H3C8: variants seen among roughly 807,000 people sequenced by gnomAD.
H3C8 encodes the protein histone H3.1.
H3C8 carries 15 observed loss-of-function variants against 7.9 expected under a neutral mutation model. The observed-to-expected ratio is 1.90, with a 90% CI of 1.27 to 2.93. The LOEUF is 2.93. H3C8 is among the 30% of genes most tolerant of loss of function. The probability of loss-of-function intolerance (pLI) is 0.00; values close to 1 mark genes in which losing one functional copy is unlikely to be tolerated. For synonymous variants in H3C8, 143 were observed against 77.6 expected (o/e 1.84, Z -4.43); for missense variants, 230 against 190.4 (o/e 1.21, Z -1.23).
chr6:26,271,025 G>A lies in H3C8; in HGVS notation c.360C>T (p.Ile120=), dbSNP rs750430823. Residue 120 remains isoleucine (I), a synonymous_variant, in exon 1 of 1, where the codon ATC becomes ATT. Transcript: ENST00000614378. Reference sequence around the variant, plus strand: ...GAGCGAGCTGAATGTCCTTGGGCATGATAGTCACTCGCTTAGCATGGATGG... The same window carrying A: ...GAGCGAGCTGAATGTCCTTGGGCATAATAGTCACTCGCTTAGCATGGATGG... ...LCAIHAKRVT[I]MPKDIQLARR... The A allele has an allele frequency of 3.7e-6, 6 of 1,614,118 alleles. No individual in the cohort carries two copies. The highest frequency in any genetic ancestry group is 2.2e-5 in the East Asian group (1 of 44,898).
At position 26,271,372 on chromosome 6, in the gene H3C8, T is replaced by C. The variant is rs770969115; in HGVS notation, c.13A>G (p.Lys5Glu). 1.9e-6 allele frequency: 3 copies of C among 1,612,710 alleles called. No individual in the cohort carries two copies. Among genetic ancestry groups the C allele is most frequent in the African/African-American group, 1.3e-5 (1 of 74,702 alleles). Residue 5 changes from lysine to glutamate, a missense_variant, in exon 1 of 1, where the codon AAG becomes GAG. Lys to Glu is a moderately conservative substitution (Grantham distance 56, BLOSUM62 1). Transcript: ENST00000614378. ...CCGGTGGACTTGCGTGCAGTCTGCTTGGTGCGGGCCATCTCAGACTACCTG... is the reference window on the plus strand; with the variant it reads ...CCGGTGGACTTGCGTGCAGTCTGCTCGGTGCGGGCCATCTCAGACTACCTG... MART[K>E]QTARKSTGGK...
chr6:26,271,267 G>A lies in H3C8; in HGVS notation c.118C>T (p.His40Tyr). 1.9e-6 allele frequency: 3 copies of A among 1,614,238 alleles called. No individual in the cohort carries two copies. The highest frequency in any genetic ancestry group is 2.5e-6 in the Non-Finnish European group (3 of 1,180,022). Residue 40 changes from histidine to tyrosine, a missense_variant, in exon 1 of 1, where the codon CAT (histidine) becomes TAT (tyrosine). Coordinates refer to ENST00000614378, the MANE Select transcript of H3C8 (RefSeq NM_003534.3). ...APATGGVKKP[H>Y]RYRPGTVALR... The stretch of plus-strand genomic sequence containing the variant: ...GCCACGGTGCCGGGACGGTAGCGAT[G>A]AGGTTTCTTCACGCCGCCGGTGGCC...
In H3C8 at chr6:26,271,025, GAT is replaced by G. The variant is rs757184748; in HGVS notation, c.358_359del (p.Ile120HisfsTer23). ...LCAIHAKRVT[I>X]MPKDIQLARR... Reference sequence around the variant, plus strand: ...GAGCGAGCTGAATGTCCTTGGGCATGATAGTCACTCGCTTAGCATGGATGGCA... The same window carrying G: ...GAGCGAGCTGAATGTCCTTGGGCATGAGTCACTCGCTTAGCATGGATGGCA... On this transcript the variant is annotated frameshift_variant, in exon 1 of 1. Transcript: ENST00000614378. LOFTEE classifies it high-confidence loss of function. The G allele has an allele frequency of 3.5e-5, 56 of 1,614,118 alleles. No individual in the cohort carries two copies. The highest frequency in any genetic ancestry group is 4.7e-5 in the Non-Finnish European group (55 of 1,180,040).
At position 26,271,355 on chromosome 6, in the gene H3C8, C is replaced by T. The variant is rs1760453254; in HGVS notation, c.30G>A (p.Lys10=). ...TGCGCGGCGCTTTGCCACCGGTGGA[C>T]TTGCGTGCAGTCTGCTTGGTGCGGG... is the stretch of plus-strand genomic sequence containing the variant. The part of the protein sequence containing the change: MARTKQTAR[K]STGGKAPRKQ... Residue 10 remains lysine, a synonymous_variant, in exon 1 of 1, where the codon AAG becomes AAA. Coordinates refer to ENST00000614378, the MANE Select transcript of H3C8 (RefSeq NM_003534.3). 4 of 1,613,608 alleles carry T rather than the reference C, an allele frequency of 2.5e-6. No homozygotes were observed. Among genetic ancestry groups the T allele is most frequent in the Non-Finnish European group, 3.4e-6 (4 of 1,179,854 alleles).
Position 26,271,212 on chromosome 6 carries a change from G to A in H3C8, c.173C>T (p.Ser58Leu), listed in dbSNP as rs150574838. Residue 58 changes from serine (S) to leucine (L), a missense_variant, in exon 1 of 1, where the codon TCG (serine) becomes TTG (leucine). By Grantham distance (145) the Ser-to-Leu change is moderately radical (BLOSUM62 -2). Coordinates refer to ENST00000614378, the MANE Select transcript of H3C8 (RefSeq NM_003534.3). The part of the protein sequence containing the change: ...ALREIRRYQK[S>L]TELLIRKLPF... ...CAACTTGCGGATCAGCAGCTCAGTC[G>A]ACTTCTGATAGCGGCGAATCTCGCG... 2.6e-5 allele frequency: 42 copies of A among 1,614,144 alleles called. No individual in the cohort carries two copies. Among genetic ancestry groups the A allele is most frequent in the African/African-American group, 5.3e-5 (4 of 74,952 alleles).
Position 26,271,225 on chromosome 6 carries a change from G to A in H3C8, c.160C>T (p.Arg54Cys). ...PGTVALREIR[R>C]YQKSTELLIR... ...AGCAGCTCAGTCGACTTCTGATAGC[G>A]GCGAATCTCGCGCAGAGCCACGGTG... is the stretch of plus-strand genomic sequence containing the variant. Residue 54 changes from arginine (R) to cysteine (C), a missense_variant, in exon 1 of 1, where the codon CGC becomes TGC. Transcript: ENST00000614378. 1 of 1,614,260 alleles carries A rather than the reference G, an allele frequency of 6.2e-7. No homozygotes were observed. The highest frequency in any genetic ancestry group is 2.2e-5 in the East Asian group (1 of 44,882).
Position 26,270,928 on chromosome 6 carries a change from TTAA to T in H3C8, c.*43_*45del. The T allele has an allele frequency of 2.5e-6, 4 of 1,582,760 alleles. No homozygotes were observed. The South Asian group carries it at 4.6e-5, about 18-fold the overall frequency. On this transcript the variant is annotated 3_prime_UTR_variant, in exon 1 of 1. Coordinates refer to ENST00000614378, the MANE Select transcript of H3C8 (RefSeq NM_003534.3). ...ATTTTCGGGTGAAAGTAGGCGGCTC[TTAA>T]AAGAGCCTTTTTAAGTTGGATAGAA...
chr6:26,270,932 AAG>A lies in H3C8; in HGVS notation c.*40_*41del, dbSNP rs758281485. ...TCGGGTGAAAGTAGGCGGCTCTTAAAAGAGCCTTTTTAAGTTGGATAGAATTA... is the reference window on the plus strand; with the variant it reads ...TCGGGTGAAAGTAGGCGGCTCTTAAAAGCCTTTTTAAGTTGGATAGAATTA... On this transcript the variant is annotated 3_prime_UTR_variant, in exon 1 of 1. Transcript: ENST00000614378. 1.3e-6 allele frequency: 2 copies of A among 1,585,978 alleles called. No homozygotes were observed. Among genetic ancestry groups the A allele is most frequent in the East Asian group, 2.2e-5 (1 of 44,700 alleles).
Position 26,271,090 on chromosome 6 carries a change from C to G in H3C8, c.295G>C (p.Ala99Pro). ...TCCTCAAAGAGCCCCACCAAGTAGG[C>G]CTCGCAGGCCTCCTGCAGGGCCATC... ...AVMALQEACE[A>P]YLVGLFEDTN... Residue 99 changes from alanine to proline, a missense_variant, in exon 1 of 1, where the codon GCC becomes CCC. Transcript: ENST00000614378. The G allele has an allele frequency of 1.2e-6, 2 of 1,614,212 alleles. No individual in the cohort carries two copies. Among genetic ancestry groups the G allele is most frequent in the South Asian group, 2.2e-5 (2 of 91,088 alleles).
Position 26,271,050 on chromosome 6 carries a change from G to T in H3C8, c.335C>A (p.Ala112Asp), listed in dbSNP as rs1268814858. The T allele has an allele frequency of 6.2e-7, 1 of 1,614,202 alleles. No homozygotes were observed. Among genetic ancestry groups the T allele is most frequent in the African/African-American group, 1.3e-5 (1 of 75,064 alleles). The part of the protein sequence containing the change: ...VGLFEDTNLC[A>D]IHAKRVTIMP... ...GATAGTCACTCGCTTAGCATGGATG[G>T]CACACAGGTTGGTATCCTCAAAGAG... The change falls in exon 1 of 1, where the codon GCC (alanine) becomes GAC (aspartate). Residue 112 changes from alanine (A) to aspartate (D), a missense_variant. Coordinates refer to ENST00000614378, the MANE Select transcript of H3C8 (RefSeq NM_003534.3).
Position 26,271,007 on chromosome 6 carries a change from C to A in H3C8, c.378G>T (p.Gln126His), listed in dbSNP as rs776947316. ...TCTCCCCACGAATGCGGCGAGCGAG[C>A]TGAATGTCCTTGGGCATGATAGTCA... The part of the protein sequence containing the change: ...KRVTIMPKDI[Q>H]LARRIRGERA Residue 126 changes from glutamine (Q) to histidine (H), a missense_variant, in exon 1 of 1, where the codon CAG (glutamine) becomes CAT (histidine). Transcript: ENST00000614378. 1 of 1,614,210 alleles carries A rather than the reference C, an allele frequency of 6.2e-7. No individual in the cohort carries two copies. Among genetic ancestry groups the A allele is most frequent in the Non-Finnish European group, 8.5e-7 (1 of 1,180,020 alleles).
At position 26,271,149 on chromosome 6, in the gene H3C8, A is replaced by T; in HGVS notation, c.236T>A (p.Phe79Tyr). The change falls in exon 1 of 1, where the codon TTC becomes TAC. Residue 79 changes from phenylalanine to tyrosine, a missense_variant. Physicochemically the swap from Phe to Tyr is conservative, Grantham distance 22. Coordinates refer to ENST00000614378, the MANE Select transcript of H3C8 (RefSeq NM_003534.3). ...ACTCTGAAAGCGCAGATCTGTCTTG[A>T]AGTCCTGAGCGATTTCTCGCACCAG... ...QRLVREIAQD[F>Y]KTDLRFQSSA... The T allele has an allele frequency of 6.2e-7, 1 of 1,614,248 alleles. No individual in the cohort carries two copies. Among genetic ancestry groups the T allele is most frequent in the Non-Finnish European group, 8.5e-7 (1 of 1,180,040 alleles).
At position 26,271,194 on chromosome 6, in the gene H3C8, C is replaced by CG; in HGVS notation, c.190dup (p.Arg64ProfsTer43). On this transcript the variant is annotated frameshift_variant, in exon 1 of 1. Coordinates refer to ENST00000614378, the MANE Select transcript of H3C8 (RefSeq NM_003534.3). LOFTEE classifies it high-confidence loss of function. ...CACCAGGCGTTGGAAAGGCAACTTG[C>CG]GGATCAGCAGCTCAGTCGACTTCTG... is the stretch of plus-strand genomic sequence containing the variant. The CG allele has an allele frequency of 6.2e-7, 1 of 1,614,244 alleles. No individual in the cohort carries two copies. Among genetic ancestry groups the CG allele is most frequent in the African/African-American group, 1.3e-5 (1 of 75,072 alleles).
In H3C8 at chr6:26,271,358, G is replaced by C. The variant is rs925881819; in HGVS notation, c.27C>G (p.Arg9=). The C allele has an allele frequency of 6.2e-7, 1 of 1,613,512 alleles. No individual in the cohort carries two copies. Among genetic ancestry groups the C allele is most frequent in the South Asian group, 1.1e-5 (1 of 91,072 alleles). Residue 9 remains arginine, a synonymous_variant, in exon 1 of 1, where the codon CGC becomes CGG. Transcript: ENST00000614378. MARTKQTA[R]KSTGGKAPRK... ...GCGGCGCTTTGCCACCGGTGGACTT[G>C]CGTGCAGTCTGCTTGGTGCGGGCCA...
Position 26,271,374 on chromosome 6 carries a change from G to A in H3C8, c.11C>T (p.Thr4Ile). 3 of 1,611,632 alleles carry A rather than the reference G, an allele frequency of 1.9e-6. No individual in the cohort carries two copies. Among genetic ancestry groups the A allele is most frequent in the Non-Finnish European group, 1.7e-6 (2 of 1,179,380 alleles). The change falls in exon 1 of 1, where the codon ACC becomes ATC. Residue 4 changes from threonine (T) to isoleucine (I), a missense_variant. Coordinates refer to ENST00000614378, the MANE Select transcript of H3C8 (RefSeq NM_003534.3). MAR[T>I]KQTARKSTGG... is the part of the protein sequence containing the mutation. Reference sequence around the variant, plus strand: ...GGTGGACTTGCGTGCAGTCTGCTTGGTGCGGGCCATCTCAGACTACCTGAA... The same window carrying A: ...GGTGGACTTGCGTGCAGTCTGCTTGATGCGGGCCATCTCAGACTACCTGAA...
chr6:26,271,099 C>T lies in H3C8; in HGVS notation c.286G>A (p.Ala96Thr), dbSNP rs916915602. 2 of 1,614,252 alleles carry T rather than the reference C, an allele frequency of 1.2e-6. No homozygotes were observed. Among genetic ancestry groups the T allele is most frequent in the Non-Finnish European group, 1.7e-6 (2 of 1,180,042 alleles). Residue 96 changes from alanine to threonine, a missense_variant, in exon 1 of 1, where the codon GCC (alanine) becomes ACC (threonine). Transcript: ENST00000614378. ...QSSAVMALQE[A>T]CEAYLVGLFE... ...AGCCCCACCAAGTAGGCCTCGCAGG[C>T]CTCCTGCAGGGCCATCACCGCGGAA...
chr6:26,271,013 G>A lies in H3C8; in HGVS notation c.372C>T (p.Asp124=), dbSNP rs2223591. The A allele has an allele frequency of 0.045, 73,135 of 1,614,184 alleles. 1,977 individuals carry two copies. Among genetic ancestry groups the A allele is most frequent in the Non-Finnish European group, 0.053 (62,647 of 1,179,984 alleles). The change falls in exon 1 of 1, where the codon GAC becomes GAT. Residue 124 remains aspartate (D), a synonymous_variant. Coordinates refer to ENST00000614378, the MANE Select transcript of H3C8 (RefSeq NM_003534.3). ...HAKRVTIMPK[D]IQLARRIRGE... is the part of the protein sequence containing the mutation. ...CACGAATGCGGCGAGCGAGCTGAAT[G>A]TCCTTGGGCATGATAGTCACTCGCT... is the stretch of plus-strand genomic sequence containing the variant.
rs762051815 is a variant in H3C8, at chr6:26,271,293, G to A, written c.92C>T (p.Pro31Leu). The change falls in exon 1 of 1, where the codon CCG becomes CTG. Residue 31 changes from proline to leucine, a missense_variant. Pro to Leu is a moderately conservative substitution (Grantham distance 98, BLOSUM62 -3). Coordinates refer to ENST00000614378, the MANE Select transcript of H3C8 (RefSeq NM_003534.3). ...LATKAARKSA[P>L]ATGGVKKPHR... Reference sequence around the variant, plus strand: ...AGGTTTCTTCACGCCGCCGGTGGCCGGCGCGCTTTTCCGAGCCGCCTTAGT... The same window carrying A: ...AGGTTTCTTCACGCCGCCGGTGGCCAGCGCGCTTTTCCGAGCCGCCTTAGT... The A allele has an allele frequency of 1.2e-6, 2 of 1,614,010 alleles. No individual in the cohort carries two copies. The highest frequency in any genetic ancestry group is 2.2e-5 in the South Asian group (2 of 91,082).
Position 26,271,246 on chromosome 6 carries a change from C to T in H3C8, c.139G>A (p.Val47Met), listed in dbSNP as rs1237580190. 6.2e-7 allele frequency: 1 copy of T among 1,614,258 alleles called. No homozygotes were observed. Among genetic ancestry groups the T allele is most frequent in the Non-Finnish European group, 8.5e-7 (1 of 1,180,042 alleles). ...KKPHRYRPGT[V>M]ALREIRRYQK... ...TAGCGGCGAATCTCGCGCAGAGCCA[C>T]GGTGCCGGGACGGTAGCGATGAGGT... The change falls in exon 1 of 1, where the codon GTG becomes ATG. Residue 47 changes from valine to methionine, a missense_variant. Transcript: ENST00000614378.
Sources: gnomAD v4.1 joint callset for allele counts on GRCh38, gnomAD v4.1.1 for gene constraint, MANE v1.5 for transcripts, NCBI Gene and HGNC (gene_info 2026-07-23, HGNC 2026-07-21) for gene names.